The following TLR7 variants were observed in gnomAD, a reference collection of about 807,000 sequenced individuals.
TLR7 encodes toll-like receptor 7.
TLR7 carries 12 observed loss-of-function variants against 38.3 expected under a neutral mutation model. That is an observed-to-expected ratio of 0.31 (90% CI 0.20 to 0.51). TLR7 has a LOEUF of 0.51. TLR7 is among the 20% of genes least tolerant of loss of function. The pLI is 0.98. For missense variants in TLR7, 504 were observed against 743.4 expected (o/e 0.68, Z 3.74); for synonymous variants, 285 against 293.8 (o/e 0.97, Z 0.31).
chrX:12,882,915 T>C (rs1302700412), intron 2 of TLR7, among the ~76,000 whole-genome samples: 1 of 111,708 alleles, frequency 9.0e-6, no homozygotes, highest in Non-Finnish European at 1.9e-5. Context: ...TTCATGATTG[T>C]CATTTACCCA....
intron 2 of TLR7, among the ~76,000 whole-genome samples, chrX:12,869,919 C>T (rs2042846801): frequency 9.5e-6 from 1 of 105,258 alleles, no homozygotes; most frequent in Admixed American, 1.1e-4. Flanking sequence ...ATTATGTAAT[C>T]ATCAAATCAT....
At chrX:12,885,211 A>G (rs776226981) in intron 2 of TLR7, among the ~76,000 whole-genome samples, 2 of 112,462 alleles carry the variant, frequency 1.8e-5, no homozygotes, top group East Asian at 2.8e-4. Context: ...CAGTGAATCT[A>G]TGGCTCTGCA....
intron 2 of TLR7, among the ~76,000 whole-genome samples, chrX:12,873,341 G>A (rs773296946): frequency 1.8e-5 from 2 of 112,188 alleles, no homozygotes; most frequent in African/African-American, 6.5e-5. Flanking sequence ...CACTTGACAT[G>A]CAATATCATT....
intron 2 of TLR7, among the ~76,000 whole-genome samples, chrX:12,872,664 A>C (rs2042857371): frequency 9.0e-6 from 1 of 110,744 alleles, no homozygotes; most frequent in African/African-American, 3.3e-5. Context: ...GAAACCTCCT[A>C]GAAATGTTTG....
Position 12,885,778 on chromosome X carries a change from T to C in TLR7, c.270T>C (p.His90=). The C allele has an allele frequency of 3.3e-6, 4 of 1,212,105 alleles. No individual in the cohort carries two copies. Among genetic ancestry groups the C allele is most frequent in the Non-Finnish European group, 4.5e-6 (4 of 895,609 alleles). The part of the protein sequence containing the change: ...ISPASFHRLD[H]LVEIDFRCNC... ...CAGCGTCCTTTCACAGACTGGACCA[T>C]CTGGTAGAGATCGATTTCAGATGCA... Residue 90 remains histidine, a synonymous_variant, in exon 3 of 3, where the codon CAT becomes CAC. Transcript: ENST00000380659.
In TLR7 at chrX:12,888,416, G is replaced by A. The variant is rs1234489564; in HGVS notation, c.2908G>A (p.Ala970Thr). ...KYAKTENFKI[A>T]FYLSHQRLMD... ...TGCAAAGACTGAAAATTTTAAGATAGCATTTTACTTGTCCCATCAGAGGCT... is the reference window on the plus strand; with the variant it reads ...TGCAAAGACTGAAAATTTTAAGATAACATTTTACTTGTCCCATCAGAGGCT... The change falls in exon 3 of 3, where the codon GCA becomes ACA. Residue 970 changes from alanine to threonine, a missense_variant. Coordinates refer to ENST00000380659, the MANE Select transcript of TLR7 (RefSeq NM_016562.4). 2.5e-6 allele frequency: 3 copies of A among 1,210,330 alleles called. No homozygotes were observed. Among genetic ancestry groups the A allele is most frequent in the Admixed American group, 2.2e-5 (1 of 45,797 alleles).
Position 12,879,098 on chromosome X carries a change from T to C in TLR7, c.4-6414T>C, listed in dbSNP as rs371700486. On this transcript the variant is annotated intron_variant, in intron 2 of 2. Transcript: ENST00000380659. ...CTTCAGTCCTATTTCATTTCTCTTG[T>C]AAGACTGCTAAAAACAGTAAGAAGC... Among the ~76,000 whole-genome samples, 16 of 112,051 alleles carry C rather than the reference T, an allele frequency of 1.4e-4. No homozygotes were observed. The East Asian group carries it at 1.7e-3, about 12-fold the overall frequency.
chrX:12,877,767 G>A (rs1404793739), intron 2 of TLR7: 3 of 111,034 alleles, frequency 2.7e-5, no homozygotes, highest in Non-Finnish European at 5.7e-5. Flanking sequence ...TACCATCCTC[G>A]TTTCTTCTGT....
chrX:12,878,648 A>T (rs1457707342), intron 2 of TLR7, among the ~76,000 whole-genome samples: 2 of 111,730 alleles, frequency 1.8e-5, no homozygotes, highest in African/African-American at 6.5e-5. Context: ...ATTAATTTAA[A>T]TTTATGGAGC....
chrX:12,881,543 A>AGTTATTTATTCTTTTTAATAAAT (rs2042892224), intron 2 of TLR7, among the ~76,000 whole-genome samples: 3 of 98,517 alleles, frequency 3.0e-5, no homozygotes, highest in African/African-American at 1.4e-4. Context: ...AATAAATAAT[A>AGTTATTTATTCTTTTTAATAAAT]AATGAGTTAT....
chrX:12,871,018 G>A (rs1033710193), intron 2 of TLR7, among the ~76,000 whole-genome samples: 4 of 111,881 alleles, frequency 3.6e-5, no homozygotes, highest in African/African-American at 1.3e-4. Flanking sequence ...TAGCTGTTGA[G>A]TTCCTAATTT....
intron 2 of TLR7, among the ~76,000 whole-genome samples, chrX:12,881,701 AT>A (rs1399528831): frequency 5.4e-5 from 6 of 110,329 alleles, no homozygotes; most frequent in Admixed American, 9.7e-5. Flanking sequence ...TAGTTATTAC[AT>A]AATTTAGGGT....
At chrX:12,883,592 C>T (rs951687661) in intron 2 of TLR7, among the ~76,000 whole-genome samples, 8 of 111,077 alleles carry the variant, frequency 7.2e-5, no homozygotes, top group African/African-American at 1.6e-4. Context: ...TGAGGTGGGA[C>T]GATCGCTTGA....
Position 12,885,960 on chromosome X carries a change from A to G in TLR7, c.452A>G (p.Gln151Arg), listed in dbSNP as rs771077690. ...CCGCAGGGCCTCCCGCCTAGCTTAC[A>G]GCTTCTCAGCCTTGAGGCCAACAAC... ...EIPQGLPPSL[Q>R]LLSLEANNIF... The change falls in exon 3 of 3, where the codon CAG becomes CGG. Residue 151 changes from glutamine (Q) to arginine (R), a missense_variant. Coordinates refer to ENST00000380659, the MANE Select transcript of TLR7 (RefSeq NM_016562.4). 8.2e-7 allele frequency: 1 copy of G among 1,212,195 alleles called. No individual in the cohort carries two copies. Among genetic ancestry groups the G allele is most frequent in the Non-Finnish European group, 1.1e-6 (1 of 895,566 alleles).
chrX:12,879,092 C>A (rs1393617023), intron 2 of TLR7, among the ~76,000 whole-genome samples: 2 of 111,951 alleles, frequency 1.8e-5, no homozygotes, highest in African/African-American at 3.2e-5. Flanking sequence ...TATTTCATTT[C>A]TCTTGTAAGA....
In TLR7 at chrX:12,887,522, G is replaced by T; in HGVS notation, c.2014G>T (p.Gly672Cys). The change falls in exon 3 of 3, where the codon GGT becomes TGT. Residue 672 changes from glycine to cysteine, a missense_variant. Coordinates refer to ENST00000380659, the MANE Select transcript of TLR7 (RefSeq NM_016562.4). ...TTTCTTGCCTTCTGGAGTTTTTGAT[G>T]GTATGCCTCCAAATCTAAAGAATCT... Reference protein sequence around the residue: ...LSFLPSGVFDGMPPNLKNLSL... With the variant: ...LSFLPSGVFDCMPPNLKNLSL... 1 of 1,211,192 alleles carries T rather than the reference G, an allele frequency of 8.3e-7. No homozygotes were observed. Among genetic ancestry groups the T allele is most frequent in the Non-Finnish European group, 1.1e-6 (1 of 895,169 alleles).
At position 12,888,616 on chromosome X, in the gene TLR7, C is replaced by T; in HGVS notation, c.3108C>T (p.Asp1036=). The T allele has an allele frequency of 3.3e-6, 4 of 1,210,718 alleles. No individual in the cohort carries two copies. Among genetic ancestry groups the T allele is most frequent in the African/African-American group, 1.7e-5 (1 of 57,793 alleles). ...GTCTAAAGAACGCCCTGGCCACAGACAATCATGTGGCCTATAGTCAGGTGT... is the reference window on the plus strand; with the variant it reads ...GTCTAAAGAACGCCCTGGCCACAGATAATCATGTGGCCTATAGTCAGGTGT... The part of the protein sequence containing the change: ...WQCLKNALAT[D]NHVAYSQVFK... The change falls in exon 3 of 3, where the codon GAC becomes GAT. Residue 1036 remains aspartate, a synonymous_variant. Transcript: ENST00000380659.
chrX:12,874,147 C>T (rs1308425989), intron 2 of TLR7, among the ~76,000 whole-genome samples: 1 of 110,937 alleles, frequency 9.0e-6, no homozygotes, highest in African/African-American at 3.3e-5. Flanking sequence ...TGGTGAAACC[C>T]CGTCTCTGCT....
chrX:12,881,228 AAATAATAATAAT>A (rs61216010), intron 2 of TLR7, among the ~76,000 whole-genome samples: 3 of 98,777 alleles, frequency 3.0e-5, no homozygotes, highest in Non-Finnish European at 4.0e-5. Flanking sequence ...ACTCAGTCTC[AAATAATAATAAT>A]AATAATAATA....
Sources: allele counts gnomAD v4.1 joint callset (sites outside exome capture counted in the v4.1 genomes callset), GRCh38; gene constraint gnomAD v4.1.1; transcripts MANE v1.5; gene names NCBI Gene and HGNC (gene_info 2026-07-23, HGNC 2026-07-21).